CPXM2: variants seen among roughly 807,000 people sequenced by gnomAD.
CPXM2 encodes inactive carboxypeptidase-like protein X2.
CPXM2 carries 66 observed loss-of-function variants against 86.1 expected under a neutral mutation model. The ratio of observed to expected loss-of-function variants is 0.77; its 90% confidence interval spans 0.63 to 0.94. CPXM2 has a LOEUF of 0.94. Ranked by LOEUF, CPXM2 falls within the 40% of genes least tolerant of loss-of-function variation. The pLI is 0.00. For missense variants in CPXM2, 948 were observed against 1,026.3 expected (o/e 0.92, Z 1.04); for synonymous variants, 388 against 400.2 (o/e 0.97, Z 0.36).
intron 3 of CPXM2, among the ~76,000 whole-genome samples, chr10:123,854,490 G>C (rs1323666408): frequency 2.1e-5 from 3 of 139,720 alleles, no homozygotes; most frequent in Non-Finnish European, 4.5e-5. Flanking sequence ...TTGTTTTAGA[G>C]ATAAGGAAAC....
intron 2 of CPXM2, among the ~76,000 whole-genome samples, chr10:123,930,677 C>T (rs897411734): frequency 6.6e-6 from 1 of 152,196 alleles, no homozygotes; most frequent in African/African-American, 2.4e-5. Flanking sequence ...GCATAACACT[C>T]CTGAGAGCTG....
intron 2 of CPXM2, among the ~76,000 whole-genome samples, chr10:123,867,808 C>T (rs1477858570): frequency 6.6e-6 from 1 of 152,186 alleles, no homozygotes; most frequent in Admixed American, 6.5e-5. Context: ...GCTGGGATTA[C>T]AGGCATGAGC....
chr10:123,781,712 T>C (rs970164521), intron 6 of CPXM2, among the ~76,000 whole-genome samples: 38 of 152,184 alleles, frequency 2.5e-4, no homozygotes, highest in African/African-American at 8.9e-4. Flanking sequence ...CCAGTAGCAT[T>C]GCCTGTTCGC....
At position 123,925,076 on chromosome 10, in the gene CPXM2, G is replaced by A. The variant is rs150813997; in HGVS notation, n.174+14401C>T. Among the ~76,000 whole-genome samples, 1,204 of 149,446 alleles carry A rather than the reference G, an allele frequency of 8.1e-3. 17 individuals are homozygous for A. Among genetic ancestry groups the A allele is most frequent in the African/African-American group, 0.028 (1,131 of 40,856 alleles). On this transcript the variant is annotated intron_variant and non_coding_transcript_variant, in intron 2 of 19. Coordinates refer to the CPXM2 transcript ENST00000368854. Reference sequence around the variant, plus strand: ...TAAGGGATTATGATTTAGGGGTAAAGTGTCATGATAAGTCATAAATTATTT... The same window carrying A: ...TAAGGGATTATGATTTAGGGGTAAAATGTCATGATAAGTCATAAATTATTT...
chr10:123,854,419 ATAT>A lies in CPXM2; in HGVS notation c.513+8192_513+8194del, dbSNP rs1425138331. 3.2e-5 allele frequency among the ~76,000 whole-genome samples: 4 copies of A among 125,056 alleles called. No homozygotes were observed. The East Asian group carries it at 6.4e-4, about 20-fold the overall frequency. The allele number at this position is 125,056 out of a possible 152,430, so 82.0% of individuals were successfully genotyped here. On this transcript the variant is annotated intron_variant, in intron 3 of 13. Transcript: ENST00000241305. ...ATTATATATATATTATATATAAAAT[ATAT>A]AATATATATATAATATACTTTTATA...
At chr10:123,776,623 C>G (rs1027747879) in intron 7 of CPXM2, 1 of 152,206 alleles carries the variant, frequency 6.6e-6, no homozygotes, top group Admixed American at 6.5e-5. Flanking sequence ...CATCCACTCA[C>G]CAGAACATTC....
At chr10:123,800,784 CAAA>C (rs5788629) in intron 4 of CPXM2, among the ~76,000 whole-genome samples, 1 of 150,512 alleles carries the variant, frequency 6.6e-6, no homozygotes, top group East Asian at 2.0e-4. Flanking sequence ...TTCTCAAACT[CAAA>C]AAAAAAATAA....
chr10:123,749,195 G>A (rs1846024254), intron 13 of CPXM2, among the ~76,000 whole-genome samples: 1 of 152,022 alleles, frequency 6.6e-6, no homozygotes, highest in South Asian at 2.1e-4. Context: ...CTATTGTGGG[G>A]CGCTGGACGT....
intron 13 of CPXM2, chr10:123,750,556 C>T: frequency 1.0e-6 from 1 of 982,448 alleles, no homozygotes; most frequent in Non-Finnish European, 1.2e-6. Flanking sequence ...TTTTTCATGG[C>T]ACTGATCATA....
intron 2 of CPXM2, among the ~76,000 whole-genome samples, chr10:123,934,357 C>T (rs904636872): frequency 1.3e-5 from 2 of 152,112 alleles, no homozygotes. Flanking sequence ...CTGCCCCTCC[C>T]AGGCTCCGCT....
At chr10:123,793,367 G>T (rs1291704745) in intron 6 of CPXM2, among the ~76,000 whole-genome samples, 1 of 150,262 alleles carries the variant, frequency 6.7e-6, no homozygotes, top group African/African-American at 2.5e-5. Context: ...GGAGGCTAAG[G>T]CAGGAGAATA....
At chr10:123,775,587 C>T (rs1320169348) in intron 7 of CPXM2, among the ~76,000 whole-genome samples, 1 of 152,198 alleles carries the variant, frequency 6.6e-6, no homozygotes, top group African/African-American at 2.4e-5. Context: ...GGCTGGGCCA[C>T]GAGCCATCAG....
Position 123,891,481 on chromosome 10 carries a change from G to T in CPXM2, c.179C>A (p.Pro60Gln). The change falls in exon 1 of 14, where the codon CCG (proline) becomes CAG (glutamine). Residue 60 changes from proline (P) to glutamine (Q), a missense_variant. Physicochemically the swap from Pro to Gln is moderately conservative, Grantham distance 76 (BLOSUM62 -1). Coordinates refer to ENST00000241305, the MANE Select transcript of CPXM2 (RefSeq NM_198148.3). The surrounding 1 kb of genome is among the most constrained non-coding windows in gnomAD (Gnocchi z 5.6). ...PEPELETFSP[P>Q]LPAGPGEEWE... ...CTCCTCCCCGGGCCCCGCAGGCAGC[G>T]GCGGAGAGAAGGTCTCGAGCTCGGG... is the stretch of plus-strand genomic sequence containing the variant. 6.5e-7 allele frequency: 1 copy of T among 1,548,732 alleles called. No individual in the cohort carries two copies. The highest frequency in any genetic ancestry group is 8.7e-7 in the Non-Finnish European group (1 of 1,145,796).
At chr10:123,942,538 A>C (rs929063151), upstream of CPXM2, among the ~76,000 whole-genome samples, 10 of 152,236 alleles carry the variant, frequency 6.6e-5, no homozygotes, top group Non-Finnish European at 1.3e-4. Context: ...CAGCACCACG[A>C]CAGTTTACAA....
At chr10:123,829,289 G>A (rs548129085) in intron 4 of CPXM2, among the ~76,000 whole-genome samples, 1 of 152,274 alleles carries the variant, frequency 6.6e-6, no homozygotes, top group African/African-American at 2.4e-5. Context: ...AAAGTGAACA[G>A]TCACTCAAGG....
At chr10:123,763,919 T>C (rs1191238191) in intron 10 of CPXM2, among the ~76,000 whole-genome samples, 1 of 152,156 alleles carries the variant, frequency 6.6e-6, no homozygotes, top group Non-Finnish European at 1.5e-5. Context: ...CCAAAATCAT[T>C]ATGCCAGTGT....
chr10:123,905,904 G>A (rs1403060195), intron 2 of CPXM2, among the ~76,000 whole-genome samples: 1 of 152,050 alleles, frequency 6.6e-6, no homozygotes, highest in Non-Finnish European at 1.5e-5. Flanking sequence ...GTTTTTCCAG[G>A]CCACCTTGAG....
At chr10:123,829,088 A>T (rs1848106978) in intron 4 of CPXM2, among the ~76,000 whole-genome samples, 2 of 152,246 alleles carry the variant, frequency 1.3e-5, no homozygotes, top group Non-Finnish European at 2.9e-5. Context: ...ACTAAAAAGG[A>T]TATCTAGATG....
In CPXM2 at chr10:123,885,280, GAGGCTGGGAGGCTGGA is replaced by G. The variant is rs1403329200; in HGVS notation, c.305-4987_305-4972del. 6.6e-6 allele frequency among the ~76,000 whole-genome samples: 1 copy of G among 152,124 alleles called. No homozygotes were observed. The highest frequency in any genetic ancestry group is 2.4e-5 in the African/African-American group (1 of 41,428). ...GGAGGCTGGGAGGCTAGAAGGCTGGGAGGCTGGGAGGCTGGAAGGCTGGGCATTGACCCCTCCAATC... is the reference window on the plus strand; with the variant it reads ...GGAGGCTGGGAGGCTAGAAGGCTGGGAGGCTGGGCATTGACCCCTCCAATC... On this transcript the variant is annotated intron_variant, in intron 1 of 13. Coordinates refer to ENST00000241305, the MANE Select transcript of CPXM2 (RefSeq NM_198148.3). This position sits in a 1 kb window ranked among gnomAD's most constrained non-coding sequence, Gnocchi z 4.0.
Sources: gnomAD v4.1 joint callset for allele counts (sites outside exome capture counted in the v4.1 genomes callset) on GRCh38, gnomAD v4.1.1 for gene constraint, Gnocchi (gnomAD v3.1) non-coding constraint, MANE v1.5 for transcripts, NCBI Gene and HGNC (gene_info 2026-07-23, HGNC 2026-07-21) for gene names.